ASB15: variants seen among roughly 807,000 people sequenced by gnomAD.
ASB15 encodes ankyrin repeat and SOCS box containing 15.
A neutral mutation model predicts 58.0 loss-of-function variants in ASB15; 54 were observed. The observed-to-expected ratio is 0.93, with a 90% CI of 0.75 to 1.17. The LOEUF (loss-of-function observed/expected upper bound fraction) is 1.17. ASB15 is among the 50% of genes most tolerant of loss of function. The pLI is 0.00. For missense variants in ASB15, 680 were observed against 707.4 expected (o/e 0.96, Z 0.44); for synonymous variants, 249 against 262.4 (o/e 0.95, Z 0.50).
rs199986511 is a variant in ASB15 at position 123,637,232 on chromosome 7, T to C, written c.*251T>C. 25 of 258,142 alleles carry C rather than the reference T, an allele frequency of 9.7e-5. No homozygotes were observed. In the East Asian group the frequency reaches 2.1e-3, roughly 21 times the overall value. The allele number at this position is 258,142 out of a possible 1,614,324, so 16.0% of individuals were successfully genotyped here. A position where few individuals can be genotyped will look rare whatever the true frequency, so the allele number is the denominator to read the frequency against. On this transcript the variant is annotated 3_prime_UTR_variant, in exon 12 of 12. Coordinates refer to ENST00000451215, the MANE Select transcript of ASB15 (RefSeq NM_001290258.2). ...AAGTCATCAAACTCTCCCTATCAAGTGGCTCCTACAATATCCACAATCAAG... is the reference window on the plus strand; with the variant it reads ...AAGTCATCAAACTCTCCCTATCAAGCGGCTCCTACAATATCCACAATCAAG...
chr7:123,636,877 T>C lies in ASB15; in HGVS notation c.1663T>C (p.Cys555Arg). 6.2e-7 allele frequency: 1 copy of C among 1,608,088 alleles called. No individual in the cohort carries two copies. The highest frequency in any genetic ancestry group is 8.5e-7 in the Non-Finnish European group (1 of 1,175,178). Residue 555 changes from cysteine to arginine, a missense_variant, in exon 12 of 12, where the codon TGC becomes CGC. By Grantham distance (180) the Cys-to-Arg change is radical. Coordinates refer to ENST00000451215, the MANE Select transcript of ASB15 (RefSeq NM_001290258.2). ...IRRLMGLQKL[C>R]QPASVEKLPL... ...AAGGCTTATGGGTCTCCAGAAACTCTGCCAGCCAGCCTCAGTGGAGAAGCT... is the reference window on the plus strand; with the variant it reads ...AAGGCTTATGGGTCTCCAGAAACTCCGCCAGCCAGCCTCAGTGGAGAAGCT...
chr7:123,637,060 C>A lies in ASB15; in HGVS notation c.*79C>A. 1 of 973,082 alleles carries A rather than the reference C, an allele frequency of 1.0e-6. No homozygotes were observed. Among genetic ancestry groups the A allele is most frequent in the Non-Finnish European group, 1.5e-6 (1 of 660,554 alleles). The allele number at this position is 973,082 out of a possible 1,614,324, so 60.3% of individuals were successfully genotyped here. On this transcript the variant is annotated 3_prime_UTR_variant, in exon 12 of 12. Transcript: ENST00000451215. ...ATAATTTCTTGTAACCATTTTACAT[C>A]CTTAATTGTAAAGTGTATTTAAATT...
chr7:123,576,039 T>G (rs1012240195), intron 1 of ASB15, among the ~76,000 whole-genome samples: 1 of 151,366 alleles, frequency 6.6e-6, no homozygotes, highest in Non-Finnish European at 1.5e-5. Flanking sequence ...TTGTTGGATT[T>G]TACTTGACTG....
intron 7 of ASB15, among the ~76,000 whole-genome samples, chr7:123,620,507 C>CATATATATAT (rs1395766241): frequency 2.0e-4 from 6 of 29,626 alleles, no homozygotes; most frequent in East Asian, 9.3e-4. Context: ...CATATACATA[C>CATATATATAT]ATATATATAT....
intron 1 of ASB15, among the ~76,000 whole-genome samples, chr7:123,585,671 C>A (rs1159614239): frequency 6.6e-6 from 1 of 151,010 alleles, no homozygotes; most frequent in Non-Finnish European, 1.5e-5. Flanking sequence ...GTGGTGAGAA[C>A]AATTAAGCAA....
chr7:123,626,930 G>A (rs980408213), intron 8 of ASB15, among the ~76,000 whole-genome samples, 180 bp from the exon 9 acceptor site: 1 of 152,024 alleles, frequency 6.6e-6, no homozygotes. Context: ...TTGAGACAGG[G>A]TTTCACCATG....
intron 1 of ASB15, among the ~76,000 whole-genome samples, chr7:123,596,657 A>G (rs1210204463): frequency 6.6e-6 from 1 of 152,128 alleles, no homozygotes; most frequent in African/African-American, 2.4e-5. Context: ...AAAGAGAAAA[A>G]GAAAAATTTG....
chr7:123,617,488 C>T, intron 6 of ASB15, 91 bp from the exon 7 acceptor site: 2 of 1,138,704 alleles, frequency 1.8e-6, no homozygotes, highest in South Asian at 4.3e-5. Flanking sequence ...TTTGTTCAAT[C>T]CGATGTATAT....
Position 123,579,369 on chromosome 7 carries a change from T to C in ASB15, c.-443+12281T>C, listed in dbSNP as rs111750191. Among the ~76,000 whole-genome samples the C allele has an allele frequency of 4.8e-3, 737 of 152,230 alleles. 11 individuals are homozygous for C. The highest frequency in any genetic ancestry group is 0.017 in the African/African-American group (704 of 41,560). On this transcript the variant is annotated intron_variant, in intron 1 of 13. Coordinates refer to the ASB15 transcript ENST00000451558. ...AAGGATCTTAGATTTACATTTTCAG[T>C]GAATAACTATTGTTAAATTTGTTTT... is the stretch of plus-strand genomic sequence containing the variant.
At chr7:123,627,332 A>G in intron 9 of ASB15, 51 bp downstream of exon 9, 4 of 1,457,740 alleles carry the variant, frequency 2.7e-6, no homozygotes, top group African/African-American at 1.4e-5. Flanking sequence ...GCTAATTTGT[A>G]TATACAGTAT....
At position 123,630,142 on chromosome 7, in the gene ASB15, A is replaced by G. The variant is rs139411924; in HGVS notation, c.1594+23A>G. ...TAGGTAAAAACCAAAAGTTTTGCCT[A>G]CAATTTTTAAATTAAGAACTTATAT... On this transcript the variant is annotated intron_variant, in intron 11 of 11. Coordinates refer to ENST00000451215, the MANE Select transcript of ASB15 (RefSeq NM_001290258.2). 4.0e-3 allele frequency: 6,150 copies of G among 1,531,418 alleles called. 20 individuals carry two copies. The highest frequency in any genetic ancestry group is 6.5e-3 in the Middle Eastern group (37 of 5,730). The allele number at this position is 1,531,418 out of a possible 1,614,324, so 94.9% of individuals were successfully genotyped here.
chr7:123,636,462 T>A (rs1802432563), intron 11 of ASB15, among the ~76,000 whole-genome samples: 1 of 152,152 alleles, frequency 6.6e-6, no homozygotes, highest in African/African-American at 2.4e-5. Context: ...ATATATAATA[T>A]TTAGCTCTAT....
At chr7:123,591,142 T>C (rs1799526741) in intron 1 of ASB15, among the ~76,000 whole-genome samples, 1 of 151,332 alleles carries the variant, frequency 6.6e-6, no homozygotes. Flanking sequence ...TTTTTGCAAA[T>C]TGATTTTGTA....
chr7:123,616,132 T>C (rs1253765237), intron 4 of ASB15, 89 bp from the exon 5 acceptor site: 12 of 1,125,036 alleles, frequency 1.1e-5, no homozygotes, highest in Non-Finnish European at 1.5e-5. Flanking sequence ...TAAAATTAAG[T>C]TTAAAAATGC....
intron 1 of ASB15, among the ~76,000 whole-genome samples, chr7:123,583,863 C>A (rs1799303421): frequency 6.6e-6 from 1 of 151,754 alleles, no homozygotes; most frequent in Admixed American, 6.6e-5. Context: ...AAAAACCAAA[C>A]CTAAAGTTTG....
chr7:123,629,948 T>C lies in ASB15; in HGVS notation c.1441-18T>C, dbSNP rs1423947271. 1 of 1,532,154 alleles carries C rather than the reference T, an allele frequency of 6.5e-7. No homozygotes were observed. The allele number at this position is 1,532,154 out of a possible 1,614,324, so 94.9% of individuals were successfully genotyped here. On this transcript the variant is annotated intron_variant, in intron 10 of 11. Coordinates refer to ENST00000451215, the MANE Select transcript of ASB15 (RefSeq NM_001290258.2). ...ATATTAAAAATACTACTAAATTAAA[T>C]TTTATCAATTCTCTCAGTTCTGTGA...
rs941096822 is a variant in ASB15, at chr7:123,636,789, A to T, written c.1595-20A>T. 6 of 1,586,982 alleles carry T rather than the reference A, an allele frequency of 3.8e-6. No homozygotes were observed. The highest frequency in any genetic ancestry group is 3.7e-5 in the Admixed American group (2 of 54,120). On this transcript the variant is annotated intron_variant, in intron 11 of 11. Coordinates refer to ENST00000451215, the MANE Select transcript of ASB15 (RefSeq NM_001290258.2). The stretch of plus-strand genomic sequence containing the variant: ...CACTATTTAAAAAATTTTTTTGCTT[A>T]TTTTCCCGATTTCTTTTAGAGAATC...
intron 2 of ASB15, among the ~76,000 whole-genome samples, chr7:123,608,087 C>G (rs1800236601): frequency 6.6e-6 from 1 of 152,004 alleles, no homozygotes; most frequent in South Asian, 2.1e-4. Context: ...TTTCTTTTTT[C>G]TCTATTTTTT....
At chr7:123,631,442 T>C (rs915732072) in intron 11 of ASB15, among the ~76,000 whole-genome samples, 3 of 152,236 alleles carry the variant, frequency 2.0e-5, no homozygotes, top group East Asian at 3.8e-4. Context: ...CTATGAAATA[T>C]TGTAAAGTAT....
Sources: gnomAD v4.1 joint callset for allele counts (sites outside exome capture counted in the v4.1 genomes callset) on GRCh38, gnomAD v4.1.1 for gene constraint, MANE v1.5 for transcripts, NCBI Gene and HGNC (gene_info 2026-07-23, HGNC 2026-07-21) for gene names.